Variants in ST8SIA6 observed in about 807,000 individuals in gnomAD.
ST8SIA6 encodes the protein ST8 alpha-N-acetyl-neuraminide alpha-2,8-sialyltransferase 6.
A neutral mutation model predicts 33.6 loss-of-function variants in ST8SIA6; 39 were observed. The observed-to-expected ratio is 1.16, with a 90% CI of 0.90 to 1.52. The LOEUF (loss-of-function observed/expected upper bound fraction) is 1.52. ST8SIA6 is among the 40% of genes most tolerant of loss of function. The probability of loss-of-function intolerance (pLI) is 0.00; values close to 1 mark genes in which losing one functional copy is unlikely to be tolerated. For missense variants in ST8SIA6, 441 were observed against 443.8 expected, an observed-to-expected ratio of 0.99 and a Z score of 0.06; for synonymous variants, 172 against 167.2, an observed-to-expected ratio of 1.03 and a Z score of -0.22.
chr10:17,331,022 AC>A (rs1346650992), intron 5 of ST8SIA6, among the ~76,000 whole-genome samples: 1 of 152,212 alleles, frequency 6.6e-6, no homozygotes, highest in Non-Finnish European at 1.5e-5. Context: ...AAGATGAGCC[AC>A]ATAAACGCAC....
chr10:17,420,705 G>A (rs1384771245), intron 2 of ST8SIA6, among the ~76,000 whole-genome samples: 2 of 152,278 alleles, frequency 1.3e-5, no homozygotes, highest in Admixed American at 1.3e-4. Flanking sequence ...TCCCACACAG[G>A]TGTCCTCTGT....
chr10:17,419,214 AT>A (rs1851703483), intron 2 of ST8SIA6, among the ~76,000 whole-genome samples: 1 of 151,876 alleles, frequency 6.6e-6, no homozygotes, highest in Admixed American at 6.6e-5. Flanking sequence ...ATTTTTCTCC[AT>A]GTGGAGAATG....
chr10:17,324,940 A>G (rs1385412608), intron 6 of ST8SIA6, among the ~76,000 whole-genome samples: 1 of 145,842 alleles, frequency 6.9e-6, no homozygotes, highest in Non-Finnish European at 1.5e-5. Context: ...CATACATATT[A>G]TACATATATA....
chr10:17,381,503 C>T (rs924732492), intron 3 of ST8SIA6, among the ~76,000 whole-genome samples: 5 of 151,896 alleles, frequency 3.3e-5, no homozygotes. Context: ...AAATCAAATA[C>T]CAAAAAAGAC....
At chr10:17,370,121 C>T (rs10904942) in intron 3 of ST8SIA6, among the ~76,000 whole-genome samples, 25,675 of 151,890 alleles carry the variant, frequency 0.17, 2,506 homozygotes, top group East Asian at 0.5. Context: ...GCTGGGACTA[C>T]AGGCGCCCGC....
intron 2 of ST8SIA6, among the ~76,000 whole-genome samples, chr10:17,447,024 C>CAA (rs566049678): frequency 6.2e-4 from 39 of 63,338 alleles, no homozygotes; most frequent in Middle Eastern, 0.014. Flanking sequence ...GACTCTGTCT[C>CAA]AAAAAAAAAA....
intron 2 of ST8SIA6, among the ~76,000 whole-genome samples, 197 bp downstream of exon 2, chr10:17,453,362 C>G (rs6602195): frequency 1 from 152,129 of 152,176 alleles, 76,041 homozygotes; most frequent in Middle Eastern, 1. Flanking sequence ...CATTCACATC[C>G]AGGCTTAGAG....
chr10:17,350,905 G>A (rs1198116301), intron 4 of ST8SIA6, among the ~76,000 whole-genome samples: 2 of 152,156 alleles, frequency 1.3e-5, no homozygotes, highest in East Asian at 3.9e-4. Context: ...AATTGGGAAG[G>A]TGGCATGACC....
intron 2 of ST8SIA6, among the ~76,000 whole-genome samples, chr10:17,448,215 C>T (rs552863330): frequency 1.7e-4 from 26 of 152,242 alleles, no homozygotes; most frequent in African/African-American, 5.1e-4. Context: ...AAATAGCAGG[C>T]GAACCTCTAT....
chr10:17,377,729 T>C (rs915013913), intron 3 of ST8SIA6, among the ~76,000 whole-genome samples: 3 of 152,180 alleles, frequency 2.0e-5, no homozygotes, highest in African/African-American at 7.2e-5. Context: ...CTAAATCCTA[T>C]TTTAGCAATG....
At chr10:17,336,852 C>T (rs545298745) in intron 4 of ST8SIA6, among the ~76,000 whole-genome samples, 1 of 152,226 alleles carries the variant, frequency 6.6e-6, no homozygotes, top group Non-Finnish European at 1.5e-5. Flanking sequence ...CCTCGGCCTC[C>T]AAAAGTGCTG....
intron 2 of ST8SIA6, chr10:17,413,570 C>T (rs1851518298): frequency 1.3e-5 from 2 of 152,162 alleles, no homozygotes; most frequent in Non-Finnish European, 2.9e-5. Context: ...CACAGTGTCC[C>T]ACTCTGAAAT....
intron 2 of ST8SIA6, among the ~76,000 whole-genome samples, chr10:17,450,006 G>C (rs572117603): frequency 1.3e-5 from 2 of 152,282 alleles, no homozygotes; most frequent in East Asian, 3.9e-4. Flanking sequence ...CAAGTAGAGG[G>C]AGGCCATGAT....
intron 3 of ST8SIA6, among the ~76,000 whole-genome samples, chr10:17,387,503 G>T (rs1850422637): frequency 6.6e-6 from 1 of 151,544 alleles, no homozygotes; most frequent in Non-Finnish European, 1.5e-5. Flanking sequence ...CCCACCTCGG[G>T]TGATCTGCCC....
intron 3 of ST8SIA6, among the ~76,000 whole-genome samples, chr10:17,360,309 T>A (rs532136250): frequency 1.3e-5 from 2 of 152,230 alleles, no homozygotes; most frequent in Non-Finnish European, 2.9e-5. Context: ...AACTTATTCA[T>A]TAGTTGCCAG....
chr10:17,441,616 C>T (rs61844073), intron 2 of ST8SIA6, among the ~76,000 whole-genome samples: 5,977 of 151,664 alleles, frequency 0.039, 171 homozygotes, highest in South Asian at 0.058. Context: ...GCCCCTGGAT[C>T]TAAACTTATC....
Position 17,323,224 on chromosome 10 carries a change from T to TGC in ST8SIA6, c.636-69_636-68dup, listed in dbSNP as rs201744436. 3.7e-4 allele frequency: 314 copies of TGC among 853,892 alleles called. 2 individuals carry two copies. The highest frequency in any genetic ancestry group is 6.9e-4 in the Middle Eastern group (2 of 2,902). 52.9% of individuals were successfully genotyped at this position (853,892 alleles called of 1,614,324 possible). A position where few individuals can be genotyped will look rare whatever the true frequency, so the allele number is the denominator to read the frequency against. On this transcript the variant is annotated intron_variant, in intron 6 of 7. Coordinates refer to ENST00000377602, the MANE Select transcript of ST8SIA6 (RefSeq NM_001004470.3). ...AGAAAAAAGATTGTATACACACATA[T>TGC]GCGCGCACACACACACACACACACA...
chr10:17,337,553 T>G (rs915761146), intron 4 of ST8SIA6, among the ~76,000 whole-genome samples: 12 of 152,222 alleles, frequency 7.9e-5, no homozygotes, highest in African/African-American at 2.4e-4. Context: ...TTCCAGCTTT[T>G]GTGTGCGGTG....
chr10:17,416,389 A>G (rs1364996327), intron 2 of ST8SIA6, among the ~76,000 whole-genome samples: 1 of 152,170 alleles, frequency 6.6e-6, no homozygotes, highest in Non-Finnish European at 1.5e-5. Context: ...ACCCAGATTG[A>G]TATGTGCAGT....
Sources: gnomAD v4.1 joint callset for allele counts (sites outside exome capture counted in the v4.1 genomes callset) on GRCh38, gnomAD v4.1.1 for gene constraint, MANE v1.5 for transcripts, NCBI Gene and HGNC (gene_info 2026-07-23, HGNC 2026-07-21) for gene names.